MSH3: variants seen among roughly 807,000 people sequenced by gnomAD.
MSH3 encodes mutS homolog 3.
Under a neutral mutation model 123.3 loss-of-function variants are expected in MSH3, and 106 were observed. That is an observed-to-expected ratio of 0.86 (90% confidence interval 0.73 to 1.01). MSH3 has a LOEUF of 1.01. Among genes scored for constraint, MSH3 ranks in the 50% least tolerant of loss-of-function variants. The pLI is 0.00. For synonymous variants in MSH3, 515 were observed against 481.4 expected (o/e 1.07, Z -0.91); for missense variants, 1,459 against 1,347.6 (o/e 1.08, Z -1.29).
At chr5:80,805,626 A>G (rs1744875950) in intron 19 of MSH3, among the ~76,000 whole-genome samples, 1 of 94,804 alleles carries the variant, frequency 1.1e-5, no homozygotes, top group Non-Finnish European at 1.9e-5. Flanking sequence ...ATGGAGTCTT[A>G]CTCTATTGCC....
intron 20 of MSH3, among the ~76,000 whole-genome samples, chr5:80,815,695 T>G (rs1217811726): frequency 6.6e-6 from 1 of 152,170 alleles, no homozygotes; most frequent in Non-Finnish European, 1.5e-5. Flanking sequence ...AAAAAATTTT[T>G]TTAGGACATA....
At chr5:80,719,775 T>C (rs527846618) in intron 8 of MSH3, among the ~76,000 whole-genome samples, 2 of 152,366 alleles carry the variant, frequency 1.3e-5, no homozygotes, top group Admixed American at 1.3e-4. Flanking sequence ...CAAACAAATA[T>C]GTATTACATG....
intron 11 of MSH3, 131 bp downstream of exon 11, chr5:80,741,679 C>G (rs888369318): frequency 8.4e-6 from 6 of 715,740 alleles, no homozygotes; most frequent in Admixed American, 6.6e-5. Context: ...TAATTGATAA[C>G]TGTAGCTCTT....
chr5:80,831,509 T>C (rs1745416413), intron 20 of MSH3, among the ~76,000 whole-genome samples: 2 of 152,306 alleles, frequency 1.3e-5, no homozygotes, highest in African/African-American at 2.4e-5. Context: ...ACGCTTTTTA[T>C]GCCTTTTAAA....
At chr5:80,704,065 G>C (rs1229389475) in intron 8 of MSH3, among the ~76,000 whole-genome samples, 4 of 152,140 alleles carry the variant, frequency 2.6e-5, no homozygotes, top group African/African-American at 9.7e-5. Flanking sequence ...CCTGCCCTTT[G>C]ACACTCCTTC....
chr5:80,869,868 TA>T (rs1389686840), intron 22 of MSH3, among the ~76,000 whole-genome samples: 1 of 84,732 alleles, frequency 1.2e-5, no homozygotes, highest in African/African-American at 4.0e-5. Context: ...ACACACTATA[TA>T]AAAAAATTAA....
intron 16 of MSH3, among the ~76,000 whole-genome samples, chr5:80,778,475 G>A (rs1026710993): frequency 6.6e-6 from 1 of 152,074 alleles, no homozygotes; most frequent in Admixed American, 6.5e-5. Context: ...TGAAATAAAA[G>A]TTCTAAACTC....
At chr5:80,745,865 CTG>C (rs1336298846) in intron 12 of MSH3, among the ~76,000 whole-genome samples, 3 of 152,200 alleles carry the variant, frequency 2.0e-5, no homozygotes, top group African/African-American at 7.2e-5. Context: ...CTGTGTTACT[CTG>C]TGATTAATAA....
intron 8 of MSH3, among the ~76,000 whole-genome samples, chr5:80,681,200 T>C (rs1749962459): frequency 6.6e-6 from 1 of 152,202 alleles, no homozygotes; most frequent in African/African-American, 2.4e-5. Flanking sequence ...TTAATCCTTT[T>C]CTGACCATGT....
At chr5:80,783,802 T>A (rs1168363753) in intron 17 of MSH3, among the ~76,000 whole-genome samples, 6 of 152,132 alleles carry the variant, frequency 3.9e-5, no homozygotes, top group Admixed American at 2.0e-4. Context: ...ATACCAAATA[T>A]GGCTGCTTTC....
chr5:80,744,502 T>G lies in MSH3; in HGVS notation c.1654-4T>G. 1 of 1,607,564 alleles carries G rather than the reference T, an allele frequency of 6.2e-7. No individual in the cohort carries two copies. Among genetic ancestry groups the G allele is most frequent in the East Asian group, 2.2e-5 (1 of 44,816 alleles). ...AATAAAACTTGTTTTCTGGTCTTTCTTAGACTGATATGAAAACCAAAGGAA... is the reference window on the plus strand; with the variant it reads ...AATAAAACTTGTTTTCTGGTCTTTCGTAGACTGATATGAAAACCAAAGGAA... On this transcript the variant is annotated splice_polypyrimidine_tract_variant and splice_region_variant and intron_variant, in intron 11 of 23. Coordinates refer to ENST00000265081, the MANE Select transcript of MSH3 (RefSeq NM_002439.5).
intron 3 of MSH3, among the ~76,000 whole-genome samples, chr5:80,667,607 A>G (rs937593473): frequency 2.2e-4 from 33 of 152,176 alleles, no homozygotes; most frequent in Admixed American, 2.0e-3. Flanking sequence ...GCAGGTGACC[A>G]TGGGGTCTGG....
chr5:80,847,657 G>C (rs1745748182), intron 20 of MSH3, among the ~76,000 whole-genome samples: 2 of 152,042 alleles, frequency 1.3e-5, no homozygotes, highest in African/African-American at 4.8e-5. Context: ...ATTTTCAGCA[G>C]AATGTTTAGA....
At chr5:80,746,057 C>CA (rs1183148271) in intron 12 of MSH3, among the ~76,000 whole-genome samples, 1 of 151,690 alleles carries the variant, frequency 6.6e-6, no homozygotes, top group South Asian at 2.1e-4. Flanking sequence ...CATCACTTTA[C>CA]AAAAAAGAGG....
chr5:80,801,422 C>T (rs1195833047), intron 19 of MSH3, among the ~76,000 whole-genome samples: 1 of 152,154 alleles, frequency 6.6e-6, no homozygotes, highest in East Asian at 1.9e-4. Context: ...TACAACTTAT[C>T]TCGTGCTGGC....
intron 8 of MSH3, among the ~76,000 whole-genome samples, chr5:80,702,822 G>T (rs1234000411): frequency 6.6e-6 from 1 of 152,108 alleles, no homozygotes; most frequent in Admixed American, 6.5e-5. Context: ...GACCAGCCTG[G>T]GCATCATGGT....
At chr5:80,800,772 C>G (rs1278455419) in intron 19 of MSH3, among the ~76,000 whole-genome samples, 1 of 152,034 alleles carries the variant, frequency 6.6e-6, no homozygotes, top group African/African-American at 2.4e-5. Flanking sequence ...TTCTAGGCAA[C>G]GGGGATGAAC....
chr5:80,841,851 AG>A (rs1458171258), intron 20 of MSH3, among the ~76,000 whole-genome samples: 1 of 152,124 alleles, frequency 6.6e-6, no homozygotes, highest in East Asian at 1.9e-4. Flanking sequence ...CCCATTCTGT[AG>A]GTTGCCTGTT....
chr5:80,857,520 T>G (rs1745939299), intron 21 of MSH3, among the ~76,000 whole-genome samples: 7 of 152,222 alleles, frequency 4.6e-5, no homozygotes, highest in Admixed American at 4.6e-4. Flanking sequence ...TCTGGGCCTA[T>G]GATTTTGGTT....
Sources: allele counts gnomAD v4.1 joint callset (sites outside exome capture counted in the v4.1 genomes callset), GRCh38; gene constraint gnomAD v4.1.1; transcripts MANE v1.5; gene names NCBI Gene and HGNC (gene_info 2026-07-23, HGNC 2026-07-21).